The following PMF1 variants were observed in gnomAD, a reference collection of about 807,000 sequenced individuals.
The protein encoded by PMF1 is polyamine-modulated factor 1.
Under a neutral mutation model 26.7 loss-of-function variants are expected in PMF1, and 21 were observed. That is an observed-to-expected ratio of 0.79 (90% CI 0.56 to 1.13). The LOEUF (loss-of-function observed/expected upper bound fraction) is 1.13. Among genes scored for constraint, PMF1 ranks in the 50% most tolerant of loss-of-function variants. The pLI is 0.00. For missense variants in PMF1, 266 were observed against 254.9 expected, an observed-to-expected ratio of 1.04 and a Z score of -0.30; for synonymous variants, 105 against 101.0, an observed-to-expected ratio of 1.04 and a Z score of -0.24.
intron 1 of PMF1, among the ~76,000 whole-genome samples, chr1:156,231,281 A>C (rs1263189880): frequency 2.0e-5 from 3 of 150,574 alleles, no homozygotes; most frequent in African/African-American, 4.9e-5. Flanking sequence ...CTGTAGTCCT[A>C]GCTACTCAGG....
chr1:156,228,297 A>T (rs1391982681), intron 1 of PMF1, among the ~76,000 whole-genome samples: 10 of 85,918 alleles, frequency 1.2e-4, no homozygotes, highest in Admixed American at 3.6e-4. Context: ...TTAGTGTATC[A>T]CTTTCCTGCT....
chr1:156,237,444 G>GTC, intron 4 of PMF1, among the ~76,000 whole-genome samples: 1 of 96,586 alleles, frequency 1.0e-5, no homozygotes, highest in Admixed American at 1.2e-4. Context: ...GTTATTTTTT[G>GTC]TCTTTTTTTT....
chr1:156,213,048 C>T lies in PMF1; in HGVS notation c.33C>T (p.Ser11=), dbSNP rs1414253839. The T allele has an allele frequency of 6.2e-7, 1 of 1,614,190 alleles. No homozygotes were observed. Residue 11 remains serine (S), a synonymous_variant, in exon 1 of 5, where the codon AGC becomes AGT. Transcript: ENST00000368277. MAEASSANLG[S]GCEEKRHEGS... is the part of the protein sequence containing the mutation. The stretch of plus-strand genomic sequence containing the variant: ...AAGCAAGTAGCGCCAATCTAGGCAG[C>T]GGCTGTGAGGAAAAAAGGCATGAGG...
chr1:156,225,517 T>TCTGTTTGTTTTGTTCTCAGC (rs754399058), intron 1 of PMF1: 6 of 1,241,594 alleles, frequency 4.8e-6, no homozygotes, highest in Middle Eastern at 1.9e-4. Context: ...ATCCCCAGCT[T>TCTGTTTGTTTTGTTCTCAGC]CTGTTTGTTT....
At chr1:156,236,246 C>G (rs1269474559) in intron 3 of PMF1, 42 bp from the exon 4 acceptor site, 1 of 1,574,346 alleles carries the variant, frequency 6.4e-7, no homozygotes, top group South Asian at 1.1e-5. Flanking sequence ...CCACAAGGGC[C>G]TTCCGCCTCC....
At chr1:156,237,768 T>C (rs375985063) in intron 4 of PMF1, among the ~76,000 whole-genome samples, 1 of 151,194 alleles carries the variant, frequency 6.6e-6, no homozygotes, top group East Asian at 1.9e-4. Context: ...CTATTTCAAC[T>C]TTGTTTTTGA....
intron 1 of PMF1, among the ~76,000 whole-genome samples, chr1:156,224,843 G>C (rs1033548018): frequency 3.9e-5 from 6 of 152,040 alleles, no homozygotes; most frequent in African/African-American, 1.4e-4. Flanking sequence ...CTCAGTCCTG[G>C]GGCTTCCCAG....
At chr1:156,216,769 C>T (rs1290438930) in intron 1 of PMF1, among the ~76,000 whole-genome samples, 1 of 151,992 alleles carries the variant, frequency 6.6e-6, no homozygotes, top group African/African-American at 2.4e-5. Context: ...TTCTCGTCTC[C>T]GCTGGGTTGT....
At chr1:156,228,863 G>A (rs1658537067) in intron 1 of PMF1, among the ~76,000 whole-genome samples, 1 of 152,146 alleles carries the variant, frequency 6.6e-6, no homozygotes, top group South Asian at 2.1e-4. Context: ...GTCTGCTGAG[G>A]GTTGAAGGAA....
At chr1:156,224,852 A>G (rs1572489391) in intron 1 of PMF1, among the ~76,000 whole-genome samples, 1 of 151,916 alleles carries the variant, frequency 6.6e-6, no homozygotes, top group Non-Finnish European at 1.5e-5. Flanking sequence ...GGGGCTTCCC[A>G]GTGTACACAG....
At chr1:156,214,747 A>T (rs978313660) in intron 1 of PMF1, among the ~76,000 whole-genome samples, 16 of 152,090 alleles carry the variant, frequency 1.1e-4, no homozygotes, top group African/African-American at 3.6e-4. Flanking sequence ...TGCCTCTAAA[A>T]AAGAAAAAAA....
At chr1:156,232,218 C>T in intron 1 of PMF1, 102 bp from the exon 2 acceptor site, 1 of 981,488 alleles carries the variant, frequency 1.0e-6, no homozygotes, top group Non-Finnish European at 1.6e-6. Context: ...ATGAAGTGGA[C>T]AGAGCTCAGA....
intron 1 of PMF1, among the ~76,000 whole-genome samples, chr1:156,228,791 TC>T (rs1658531040): frequency 6.6e-6 from 1 of 152,228 alleles, no homozygotes; most frequent in Non-Finnish European, 1.5e-5. Flanking sequence ...TCCTCCACGT[TC>T]CTCCTGGTAG....
intron 1 of PMF1, among the ~76,000 whole-genome samples, chr1:156,230,412 C>A (rs919109844): frequency 1.3e-5 from 2 of 152,230 alleles, no homozygotes; most frequent in Non-Finnish European, 2.9e-5. Context: ...TTATCACTTG[C>A]ATGTGAGTTT....
At chr1:156,237,348 C>T (rs1221850734) in intron 4 of PMF1, 7 of 152,156 alleles carry the variant, frequency 4.6e-5, no homozygotes, top group African/African-American at 1.7e-4. Context: ...TCTCTTCATC[C>T]TCCACCCTTT....
intron 1 of PMF1, among the ~76,000 whole-genome samples, chr1:156,228,235 C>T (rs761238547): frequency 4.2e-4 from 53 of 125,948 alleles, no homozygotes; most frequent in African/African-American, 1.5e-3. Context: ...GGATTACAGG[C>T]GTGAGCCACC....
At chr1:156,232,490 T>G in intron 2 of PMF1, 65 bp downstream of exon 2, 3 of 1,508,640 alleles carry the variant, frequency 2.0e-6, no homozygotes, top group Non-Finnish European at 1.8e-6. Flanking sequence ...GTCAGTCCCC[T>G]GAGGGCAGTG....
At chr1:156,228,809 A>C (rs1040532202) in intron 1 of PMF1, among the ~76,000 whole-genome samples, 6 of 152,170 alleles carry the variant, frequency 3.9e-5, no homozygotes, top group African/African-American at 1.4e-4. Flanking sequence ...GTAGCCACAG[A>C]CTGCGTGGCT....
In PMF1 at chr1:156,213,151, C is replaced by G. The variant is rs775423643; in HGVS notation, c.136C>G (p.Leu46Val). ...KLLDTMVDTFLQKLVAAGSYQ... is the reference protein window; with the variant it reads ...KLLDTMVDTFVQKLVAAGSYQ... ...CCTCGACACCATGGTGGACACTTTT[C>G]TTCAGAAGCTGGTCGCCGCCGGCAG... is the stretch of plus-strand genomic sequence containing the variant. Residue 46 changes from leucine to valine, a missense_variant, in exon 1 of 5, where the codon CTT becomes GTT. Coordinates refer to ENST00000368277, the MANE Select transcript of PMF1 (RefSeq NM_007221.4). 1.9e-6 allele frequency: 3 copies of G among 1,613,732 alleles called. No homozygotes were observed. The South Asian group carries it at 3.3e-5, about 18-fold the overall frequency.
Sources: gnomAD v4.1 joint callset for allele counts (sites outside exome capture counted in the v4.1 genomes callset) on GRCh38, gnomAD v4.1.1 for gene constraint, MANE v1.5 for transcripts, NCBI Gene and HGNC (gene_info 2026-07-23, HGNC 2026-07-21) for gene names.